Variants in GRIK3 observed in about 807,000 individuals in gnomAD.
GRIK3 encodes glutamate ionotropic receptor kainate type subunit 3.
GRIK3 carries 29 observed loss-of-function variants against 102.5 expected under a neutral mutation model. That is an observed-to-expected ratio of 0.28 (90% CI 0.21 to 0.39). The LOEUF is 0.39. Ranked by LOEUF, GRIK3 falls within the 10% of genes least tolerant of loss-of-function variation. The pLI, the probability that GRIK3 is intolerant of heterozygous loss-of-function variation, is 1.00. For missense variants in GRIK3, 908 were observed against 1,252.4 expected (o/e 0.73, Z 4.15); for synonymous variants, 511 against 504.9 (o/e 1.01, Z -0.16).
chr1:36,992,116 A>T (rs985741032), intron 1 of GRIK3, among the ~76,000 whole-genome samples: 1 of 152,202 alleles, frequency 6.6e-6, no homozygotes, highest in African/African-American at 2.4e-5. Flanking sequence ...AAATTTACTC[A>T]TATCTCTAAG....
rs763942175 is a variant in GRIK3, at chr1:36,819,863, G to A, written c.1755-9C>T. 3 of 1,409,152 alleles carry A rather than the reference G, an allele frequency of 2.1e-6. No homozygotes were observed. Among genetic ancestry groups the A allele is most frequent in the Non-Finnish European group, 3.0e-6 (3 of 1,004,172 alleles). The allele number at this position is 1,409,152 out of a possible 1,614,324, so 87.3% of individuals were successfully genotyped here. A position where few individuals can be genotyped will look rare whatever the true frequency, so the allele number is the denominator to read the frequency against. On this transcript the variant is annotated splice_polypyrimidine_tract_variant and intron_variant, in intron 11 of 15. Transcript: ENST00000373091. This position sits in a 1 kb window ranked among gnomAD's most constrained non-coding sequence, Gnocchi z 4.1. ...ACTCATAAGGGCTGAACCTGCCACA[G>A]GAGGAGAGGGACAGTCAGCCTGGGA...
chr1:36,928,724 C>G (rs1641556372), intron 1 of GRIK3, among the ~76,000 whole-genome samples: 1 of 152,188 alleles, frequency 6.6e-6, no homozygotes, highest in Admixed American at 6.5e-5. Flanking sequence ...AAAAAAAAAT[C>G]CCCCCAAACT....
intron 1 of GRIK3, among the ~76,000 whole-genome samples, chr1:36,993,845 A>G (rs1642387855): frequency 6.6e-6 from 1 of 152,182 alleles, no homozygotes. Context: ...TTGCCCCAAT[A>G]CAACTCACCT....
At chr1:36,807,603 C>G (rs563614606) in intron 13 of GRIK3, among the ~76,000 whole-genome samples, 20 of 152,234 alleles carry the variant, frequency 1.3e-4, no homozygotes, top group Middle Eastern at 3.4e-3. Context: ...AGCTAAGGAG[C>G]CTGGGAGGAA....
intron 1 of GRIK3, among the ~76,000 whole-genome samples, chr1:36,939,693 T>C (rs951601370): frequency 1.3e-5 from 2 of 152,230 alleles, no homozygotes; most frequent in African/African-American, 4.8e-5. Context: ...AGTTTTAAGT[T>C]GTGGAAGCCC....
chr1:36,879,894 G>C (rs1355957469), intron 3 of GRIK3, among the ~76,000 whole-genome samples: 1 of 152,200 alleles, frequency 6.6e-6, no homozygotes, highest in Non-Finnish European at 1.5e-5. Context: ...CTGCAAGCTT[G>C]GCACTGGCTG....
intron 7 of GRIK3, among the ~76,000 whole-genome samples, chr1:36,855,460 G>T (rs1195251946): frequency 5.3e-5 from 8 of 152,196 alleles, no homozygotes; most frequent in Non-Finnish European, 1.2e-4. Context: ...TACTTTTACA[G>T]GTAAATGGGT....
chr1:36,890,943 T>A lies in GRIK3; in HGVS notation c.269A>T (p.Asp90Val). The A allele has an allele frequency of 6.2e-7, 1 of 1,612,918 alleles. No homozygotes were observed. The highest frequency in any genetic ancestry group is 8.5e-7 in the Non-Finnish European group (1 of 1,179,258). The change falls in exon 2 of 16, where the codon GAC becomes GTC. Residue 90 changes from aspartate to valine, a missense_variant. This residue lies in a region of GRIK3 where 585 missense variants were observed against 824.9 expected (regional missense o/e 0.71). Transcript: ENST00000373091. ...TYDIQRIHFH[D>V]SFEATKKACD... ...ACCCTTTTTGGTCGCCTCGAAGCTG[T>A]CATGGAAGTGAATCCTCTGTATGTC...
chr1:36,803,918 T>G (rs1409096509), intron 15 of GRIK3, among the ~76,000 whole-genome samples: 1 of 152,266 alleles, frequency 6.6e-6, no homozygotes, highest in Non-Finnish European at 1.5e-5. Context: ...AAACCATGTC[T>G]ATCTTTGACC....
At chr1:36,862,999 C>T (rs1201010404) in intron 5 of GRIK3, among the ~76,000 whole-genome samples, 1 of 152,176 alleles carries the variant, frequency 6.6e-6, no homozygotes, top group African/African-American at 2.4e-5. Flanking sequence ...AAAGTCAGCT[C>T]ACATTTACTG....
chr1:36,887,478 G>A (rs922489830), intron 2 of GRIK3, among the ~76,000 whole-genome samples: 1 of 151,950 alleles, frequency 6.6e-6, no homozygotes, highest in South Asian at 2.1e-4. Context: ...GAATATAGGC[G>A]GGGCGTGGTG....
At chr1:36,900,179 C>T (rs527513340) in intron 1 of GRIK3, among the ~76,000 whole-genome samples, 1 of 152,276 alleles carries the variant, frequency 6.6e-6, no homozygotes, top group African/African-American at 2.4e-5. Flanking sequence ...ATTTAAAAGA[C>T]TAGAAATCAT....
At chr1:36,920,606 A>C (rs1641456359) in intron 1 of GRIK3, among the ~76,000 whole-genome samples, 1 of 151,716 alleles carries the variant, frequency 6.6e-6, no homozygotes. Context: ...CCACCTGAAG[A>C]CCCCTACAGT....
rs558598360 is a variant in GRIK3 at position 36,844,585 on chromosome 1, G to A, written c.1327-2646C>T. 3.3e-5 allele frequency among the ~76,000 whole-genome samples: 5 copies of A among 152,286 alleles called. No homozygotes were observed. In the East Asian group the frequency reaches 9.7e-4, roughly 29 times the overall value. On this transcript the variant is annotated intron_variant, in intron 9 of 15. Transcript: ENST00000373091. ...GAGAGAAGGTACCATCTTTCCCAGA[G>A]GATCCACCAACCACACACAGAATCC...
intron 1 of GRIK3, among the ~76,000 whole-genome samples, chr1:36,941,269 A>G (rs1641716449): frequency 1.3e-5 from 2 of 152,334 alleles, no homozygotes; most frequent in South Asian, 4.1e-4. Flanking sequence ...TGCCCACTCC[A>G]AGCGCCAGAC....
intron 8 of GRIK3, among the ~76,000 whole-genome samples, chr1:36,852,528 C>T (rs1045230481): frequency 1.3e-5 from 2 of 152,160 alleles, no homozygotes; most frequent in African/African-American, 2.4e-5. Context: ...CACTAGGGAG[C>T]CATGGGCAGT....
intron 13 of GRIK3, among the ~76,000 whole-genome samples, chr1:36,813,823 T>C (rs954922463): frequency 6.6e-6 from 1 of 152,132 alleles, no homozygotes; most frequent in African/African-American, 2.4e-5. Context: ...ACATTCAGGC[T>C]CTTCTCCAAT....
intron 10 of GRIK3, among the ~76,000 whole-genome samples, chr1:36,834,972 A>T (rs970276572): frequency 2.4e-4 from 37 of 152,324 alleles, no homozygotes; most frequent in African/African-American, 8.9e-4. Flanking sequence ...TCCTCAGGGA[A>T]GTTTGAGGCC....
intron 1 of GRIK3, among the ~76,000 whole-genome samples, chr1:36,920,195 G>A (rs1332683173): frequency 6.6e-6 from 1 of 152,192 alleles, no homozygotes; most frequent in African/African-American, 2.4e-5. Flanking sequence ...CTTCTCTAGA[G>A]GGACCAGAGT....
Sources: allele counts gnomAD v4.1 joint callset (sites outside exome capture counted in the v4.1 genomes callset), GRCh38; gene constraint gnomAD v4.1.1; regional missense constraint gnomAD v4.1.1; non-coding constraint Gnocchi (gnomAD v3.1); transcripts MANE v1.5; gene names NCBI Gene and HGNC (gene_info 2026-07-23, HGNC 2026-07-21).